The following MED13L variants were observed in gnomAD, a reference collection of about 807,000 sequenced individuals.
MED13L encodes mediator complex subunit 13L.
MED13L carries 7 observed loss-of-function variants against 220.9 expected under a neutral mutation model. That is an observed-to-expected ratio of 0.03 (90% CI 0.02 to 0.06). The LOEUF (loss-of-function observed/expected upper bound fraction) is 0.06, where lower values mean the gene tolerates loss of function less well. Ranked by LOEUF, MED13L falls within the 10% of genes least tolerant of loss-of-function variation. The pLI is 1.00. For synonymous variants in MED13L, 1,011 were observed against 1,015.2 expected (o/e 1.00, Z 0.08); for missense variants, 1,965 against 2,760.5 (o/e 0.71, Z 6.46).
At chr12:116,130,560 A>G (rs1875978110) in intron 2 of MED13L, among the ~76,000 whole-genome samples, 1 of 152,236 alleles carries the variant, frequency 6.6e-6, no homozygotes, top group Non-Finnish European at 1.5e-5. Context: ...AAGAATGATA[A>G]GCATCTTGGA....
intron 4 of MED13L, among the ~76,000 whole-genome samples, chr12:116,069,754 C>T (rs1385286740): frequency 1.3e-5 from 2 of 152,158 alleles, no homozygotes; most frequent in African/African-American, 4.8e-5. Context: ...CTTGACCTCA[C>T]GTAATGGGTC....
chr12:116,202,112 TCCACACAACAGC>T, intron 2 of MED13L, among the ~76,000 whole-genome samples: 1 of 152,128 alleles, frequency 6.6e-6, no homozygotes, highest in Admixed American at 6.5e-5. Context: ...ATGAGCCAAA[TCCACACAACAGC>T]ATTTTACAAA....
At chr12:116,091,197 A>ATC (rs1872177819) in intron 4 of MED13L, among the ~76,000 whole-genome samples, 1 of 151,908 alleles carries the variant, frequency 6.6e-6, no homozygotes, top group African/African-American at 2.4e-5. Context: ...AAAACAAGGT[A>ATC]TCTCTTTTAC....
intron 2 of MED13L, among the ~76,000 whole-genome samples, chr12:116,175,206 C>T (rs750423953): frequency 2.6e-4 from 39 of 152,078 alleles, no homozygotes; most frequent in Non-Finnish European, 4.6e-4. Context: ...AGCACCTTCC[C>T]GCCAAAAGTG....
intron 4 of MED13L, among the ~76,000 whole-genome samples, chr12:116,079,797 A>G (rs2137728561): frequency 6.6e-6 from 1 of 152,240 alleles, no homozygotes. Context: ...TCAGCCTTCC[A>G]AATTTCCTCC....
At chr12:116,208,499 G>A (rs1458399082) in intron 2 of MED13L, among the ~76,000 whole-genome samples, 1 of 152,200 alleles carries the variant, frequency 6.6e-6, no homozygotes, top group Non-Finnish European at 1.5e-5. Flanking sequence ...CATCTTTGGA[G>A]CAACAGTTAA....
chr12:116,049,727 GA>G (rs947707163), intron 4 of MED13L, among the ~76,000 whole-genome samples: 12 of 152,152 alleles, frequency 7.9e-5, no homozygotes, highest in African/African-American at 2.7e-4. Context: ...AACAATTTAG[GA>G]AGGTGGACAA....
chr12:116,100,911 C>G (rs945625112), intron 3 of MED13L, among the ~76,000 whole-genome samples: 6 of 152,074 alleles, frequency 3.9e-5, no homozygotes, highest in Admixed American at 6.6e-5. Context: ...GAGATCCTGT[C>G]TCAAAAACAA....
chr12:116,078,731 A>T (rs1372551368), intron 4 of MED13L, among the ~76,000 whole-genome samples: 1 of 152,218 alleles, frequency 6.6e-6, no homozygotes, highest in Non-Finnish European at 1.5e-5. Flanking sequence ...AATACTAATT[A>T]TCTGGTCCTT....
intron 2 of MED13L, among the ~76,000 whole-genome samples, chr12:116,169,769 G>A (rs949839016): frequency 6.6e-6 from 1 of 152,180 alleles, no homozygotes; most frequent in African/African-American, 2.4e-5. Context: ...AGTGCTTTGG[G>A]AATCCAAGGC....
Position 116,015,288 on chromosome 12 carries a change from C to T in MED13L, c.1010-14G>A, listed in dbSNP as rs368042803. Reference sequence around the variant, plus strand: ...CTCCACTCTCACCTGAAAAAAAAGGCAATTTGGAATGTTAGGATTTTCTGA... The same window carrying T: ...CTCCACTCTCACCTGAAAAAAAAGGTAATTTGGAATGTTAGGATTTTCTGA... On this transcript the variant is annotated splice_polypyrimidine_tract_variant and intron_variant, in intron 7 of 30. Coordinates refer to ENST00000281928, the MANE Select transcript of MED13L (RefSeq NM_015335.5). The T allele has an allele frequency of 8.6e-4, 1,388 of 1,613,396 alleles. No individual in the cohort carries two copies. The highest frequency in any genetic ancestry group is 1.0e-3 in the Non-Finnish European group (1,224 of 1,179,542).
intron 23 of MED13L, among the ~76,000 whole-genome samples, chr12:115,977,792 C>A (rs894282227): frequency 6.6e-6 from 1 of 152,008 alleles, no homozygotes; most frequent in Non-Finnish European, 1.5e-5. Context: ...AGCCAAGGAG[C>A]TCAAGACCAG....
chr12:116,248,516 A>T (rs1176214848), intron 1 of MED13L, among the ~76,000 whole-genome samples: 1 of 152,218 alleles, frequency 6.6e-6, no homozygotes, highest in Admixed American at 6.5e-5. Context: ...CTGAAATAAG[A>T]GTCTCAAGGA....
chr12:116,194,418 G>A (rs895975607), intron 2 of MED13L, among the ~76,000 whole-genome samples: 3 of 152,008 alleles, frequency 2.0e-5, no homozygotes, highest in Non-Finnish European at 4.4e-5. Context: ...ACCCACCTCC[G>A]CCTCCCAAAG....
chr12:116,251,712 G>C (rs1233801391), intron 1 of MED13L, among the ~76,000 whole-genome samples: 1 of 150,728 alleles, frequency 6.6e-6, no homozygotes, highest in African/African-American at 2.4e-5. Context: ...AGCGAGCCAA[G>C]ATCGCGCCAC....
intron 16 of MED13L, 146 bp downstream of exon 16, chr12:115,996,330 G>T: frequency 2.3e-6 from 2 of 854,020 alleles, no homozygotes; most frequent in Non-Finnish European, 3.8e-6. Context: ...GACCTCAAGT[G>T]ATCTGCCCGC....
At chr12:116,193,629 C>A (rs1402915112) in intron 2 of MED13L, among the ~76,000 whole-genome samples, 3 of 147,454 alleles carry the variant, frequency 2.0e-5, no homozygotes, top group South Asian at 4.3e-4. Context: ...AAAAAAAACT[C>A]CTAATAATCA....
intron 2 of MED13L, among the ~76,000 whole-genome samples, chr12:116,199,401 T>A (rs1218165531): frequency 6.6e-6 from 1 of 152,200 alleles, no homozygotes. Flanking sequence ...ACACTTTATT[T>A]TTATGTCAAA....
rs191456797 is a variant in MED13L, at chr12:116,212,528, T to C, written c.310+24940A>G. Among the ~76,000 whole-genome samples, 61 of 152,342 alleles carry C rather than the reference T, an allele frequency of 4.0e-4. 1 individual carries two copies. Among genetic ancestry groups the C allele is most frequent in the Non-Finnish European group, 4.4e-4 (30 of 68,022 alleles). On this transcript the variant is annotated intron_variant, in intron 2 of 30. Coordinates refer to ENST00000281928, the MANE Select transcript of MED13L (RefSeq NM_015335.5). ...ACAACCCCCTTCTACTAGGAAGGTTTTTTTAAGCCCAAACAATTACAGATA... is the reference window on the plus strand; with the variant it reads ...ACAACCCCCTTCTACTAGGAAGGTTCTTTTAAGCCCAAACAATTACAGATA...
Sources: allele counts gnomAD v4.1 joint callset (sites outside exome capture counted in the v4.1 genomes callset), GRCh38; gene constraint gnomAD v4.1.1; transcripts MANE v1.5; gene names NCBI Gene and HGNC (gene_info 2026-07-23, HGNC 2026-07-21).